The following PCDHA12 variants were observed in gnomAD, a reference collection of about 807,000 sequenced individuals.
The protein encoded by PCDHA12 is protocadherin alpha 12.
Under a neutral mutation model 60.0 loss-of-function variants are expected in PCDHA12, and 44 were observed. The observed-to-expected ratio is 0.73, with a 90% CI of 0.58 to 0.94. The LOEUF (loss-of-function observed/expected upper bound fraction) is 0.94, where lower values mean the gene tolerates loss of function less well. PCDHA12 is among the 40% of genes least tolerant of loss of function. PCDHA12 has a pLI of 0.00. For synonymous variants in PCDHA12, 569 were observed against 553.0 expected, an observed-to-expected ratio of 1.03 and a Z score of -0.40; for missense variants, 1,276 against 1,239.7, an observed-to-expected ratio of 1.03 and a Z score of -0.44.
chr5:140,980,360 G>A (rs1173525969), intron 2 of PCDHA12, among the ~76,000 whole-genome samples: 4 of 152,142 alleles, frequency 2.6e-5, no homozygotes, highest in Middle Eastern at 3.2e-3. Context: ...GACTGGGCGC[G>A]GTGGCTCACA....
At chr5:140,880,693 T>C (rs2058435381) in intron 1 of PCDHA12, among the ~76,000 whole-genome samples, 1 of 152,222 alleles carries the variant, frequency 6.6e-6, no homozygotes. Context: ...TAGTCATGGT[T>C]AAGTGACAAT....
At chr5:140,945,630 A>C (rs1445072054) in intron 1 of PCDHA12, among the ~76,000 whole-genome samples, 1 of 152,166 alleles carries the variant, frequency 6.6e-6, no homozygotes, top group African/African-American at 2.4e-5. Context: ...CTGGCATAAA[A>C]GACATGTAGA....
chr5:140,899,056 G>A (rs1370417194), intron 1 of PCDHA12, among the ~76,000 whole-genome samples: 1 of 152,062 alleles, frequency 6.6e-6, no homozygotes, highest in Non-Finnish European at 1.5e-5. Context: ...CTGAGACTTT[G>A]CTGAAGTTGC....
rs78283049 is a variant in PCDHA12 at position 140,938,200 on chromosome 5, C to G, written c.2368-40749C>G. 2.3e-3 allele frequency among the ~76,000 whole-genome samples: 352 copies of G among 152,306 alleles called. 1 individual carries two copies. The highest frequency in any genetic ancestry group is 8.1e-3 in the African/African-American group (335 of 41,568). On this transcript the variant is annotated intron_variant, in intron 1 of 3. Coordinates refer to ENST00000398631, the MANE Select transcript of PCDHA12 (RefSeq NM_018903.4). ...GGCTCAAGCAATCCTCCCACGCCAG[C>G]CTCCCAAAGTGCTGGGATTACAGGC... is the stretch of plus-strand genomic sequence containing the variant.
intron 1 of PCDHA12, among the ~76,000 whole-genome samples, chr5:140,969,715 A>G (rs1312398688): frequency 6.6e-6 from 1 of 152,082 alleles, no homozygotes; most frequent in Non-Finnish European, 1.5e-5. Context: ...CTACAGGGAA[A>G]TTTTTCTTTT....
rs572945874 is a variant in PCDHA12, at chr5:140,876,602, G to A, written c.1130G>A (p.Arg377His). Residue 377 changes from arginine to histidine, a missense_variant, in exon 1 of 4, where the codon CGT becomes CAT. Coordinates refer to ENST00000398631, the MANE Select transcript of PCDHA12 (RefSeq NM_018903.4). ...ATTGCCCTGATTAGCGTGTCGGATC[G>A]TGACTCTGGAGCCAATGGACAGGTC... ...TVIALISVSDRDSGANGQVIC... is the reference protein window; with the variant it reads ...TVIALISVSDHDSGANGQVIC... 6.2e-7 allele frequency: 1 copy of A among 1,614,180 alleles called. No homozygotes were observed. Among genetic ancestry groups the A allele is most frequent in the Non-Finnish European group, 8.5e-7 (1 of 1,180,032 alleles).
chr5:140,882,917 G>A, intron 1 of PCDHA12: 1 of 1,614,218 alleles, frequency 6.2e-7, no homozygotes, highest in Non-Finnish European at 8.5e-7. Context: ...AGCCAGTGAT[G>A]GAGGTAAACC....
chr5:140,876,577 A>T lies in PCDHA12; in HGVS notation c.1105A>T (p.Ile369Phe). Reference protein sequence around the residue: ...VQEDAQVGTVIALISVSDRDS... With the variant: ...VQEDAQVGTVFALISVSDRDS... ...AGAGGATGCTCAGGTGGGTACCGTC[A>T]TTGCCCTGATTAGCGTGTCGGATCG... The change falls in exon 1 of 4, where the codon ATT (isoleucine) becomes TTT (phenylalanine). Residue 369 changes from isoleucine (I) to phenylalanine (F), a missense_variant. Ile to Phe is a conservative substitution (Grantham distance 21, BLOSUM62 0). Transcript: ENST00000398631. The T allele has an allele frequency of 1.2e-6, 2 of 1,614,182 alleles. No individual in the cohort carries two copies. Among genetic ancestry groups the T allele is most frequent in the Non-Finnish European group, 1.7e-6 (2 of 1,180,042 alleles).
Position 140,875,979 on chromosome 5 carries a change from C to T in PCDHA12, c.507C>T (p.Thr169=). 5 of 1,613,984 alleles carry T rather than the reference C, an allele frequency of 3.1e-6. No individual in the cohort carries two copies. Among genetic ancestry groups the T allele is most frequent in the Non-Finnish European group, 4.2e-6 (5 of 1,179,916 alleles). Residue 169 remains threonine, a synonymous_variant, in exon 1 of 4, where the codon ACC becomes ACT. Coordinates refer to ENST00000398631, the MANE Select transcript of PCDHA12 (RefSeq NM_018903.4). ...DADIGVNSLL[T]YALSLNENFE... is the part of the protein sequence containing the mutation. ...ATATCGGCGTAAACTCTCTTTTGAC[C>T]TATGCGTTAAGTCTAAATGAGAATT...
At chr5:140,914,615 A>G (rs573524299) in intron 1 of PCDHA12, among the ~76,000 whole-genome samples, 12 of 151,836 alleles carry the variant, frequency 7.9e-5, no homozygotes, top group African/African-American at 2.9e-4. Context: ...GCCATTTTGT[A>G]ATTTGTTTTC....
intron 3 of PCDHA12, among the ~76,000 whole-genome samples, chr5:140,987,919 A>G (rs1441531471): frequency 1.3e-5 from 2 of 152,082 alleles, no homozygotes; most frequent in East Asian, 3.9e-4. Context: ...TATATTCTTA[A>G]TTGTCTCAAG....
chr5:140,915,093 G>A (rs1397392191), intron 1 of PCDHA12, among the ~76,000 whole-genome samples: 3 of 151,622 alleles, frequency 2.0e-5, no homozygotes, highest in Non-Finnish European at 2.9e-5. Flanking sequence ...CTATGGGCAC[G>A]CACCACCACA....
chr5:140,876,827 C>A lies in PCDHA12; in HGVS notation c.1355C>A (p.Ala452Glu). Residue 452 changes from alanine to glutamate, a missense_variant, in exon 1 of 4, where the codon GCG (alanine) becomes GAG (glutamate). By Grantham distance (107) the Ala-to-Glu change is moderately radical. Coordinates refer to ENST00000398631, the MANE Select transcript of PCDHA12 (RefSeq NM_018903.4). ...SVEVADVNDN[A>E]PAFAQPEYTV... Reference sequence around the variant, plus strand: ...GAGGTGGCCGACGTGAACGACAATGCGCCTGCGTTCGCGCAGCCCGAGTAC... The same window carrying A: ...GAGGTGGCCGACGTGAACGACAATGAGCCTGCGTTCGCGCAGCCCGAGTAC... The A allele has an allele frequency of 1.9e-6, 3 of 1,614,182 alleles. No individual in the cohort carries two copies. Among genetic ancestry groups the A allele is most frequent in the South Asian group, 1.1e-5 (1 of 91,088 alleles).
chr5:140,913,960 T>A (rs114058923), intron 1 of PCDHA12, among the ~76,000 whole-genome samples: 2,762 of 152,276 alleles, frequency 0.018, 70 homozygotes, highest in African/African-American at 0.054. Context: ...ATATCATTTT[T>A]AAAAAAATAT....
Position 140,892,397 on chromosome 5 carries a change from T to C in PCDHA12, c.2367+14558T>C, listed in dbSNP as rs554853881. On this transcript the variant is annotated intron_variant, in intron 1 of 3. Coordinates refer to ENST00000398631, the MANE Select transcript of PCDHA12 (RefSeq NM_018903.4). ...GCAATCATGGGTAATCTTAATCTAT[T>C]TCAAGCTTCAGGTATTCTAGATAAA... is the stretch of plus-strand genomic sequence containing the variant. Among the ~76,000 whole-genome samples the C allele has an allele frequency of 2.0e-5, 3 of 152,326 alleles. No homozygotes were observed. The South Asian group carries it at 6.2e-4, about 32-fold the overall frequency.
chr5:140,945,620 C>T (rs1451535910), intron 1 of PCDHA12, among the ~76,000 whole-genome samples: 2 of 152,092 alleles, frequency 1.3e-5, no homozygotes, highest in African/African-American at 4.8e-5. Context: ...CAGCATGGTA[C>T]TGGCATAAAA....
chr5:140,928,480 G>A, intron 1 of PCDHA12: 2 of 1,614,146 alleles, frequency 1.2e-6, no homozygotes, highest in Non-Finnish European at 1.7e-6. Flanking sequence ...AGGCCGGGAT[G>A]GTGGCATTCC....
chr5:140,928,351 G>A lies in PCDHA12; in HGVS notation c.2367+50512G>A, dbSNP rs201396871. ...CCTTGTCTCTTATGAGCTGTTGGAT[G>A]TTATCTCTGAAGGGCCATCAGCCTC... On this transcript the variant is annotated intron_variant, in intron 1 of 3. Coordinates refer to ENST00000398631, the MANE Select transcript of PCDHA12 (RefSeq NM_018903.4). The A allele has an allele frequency of 1.2e-5, 20 of 1,614,150 alleles. No individual in the cohort carries two copies. In the East Asian group the frequency reaches 4.5e-4, roughly 36 times the overall value.
At chr5:140,899,204 C>T (rs1286752140) in intron 1 of PCDHA12, among the ~76,000 whole-genome samples, 2 of 151,972 alleles carry the variant, frequency 1.3e-5, no homozygotes, top group African/African-American at 4.8e-5. Context: ...CCTAATTGCC[C>T]TGGCCAGAAC....
Sources: allele counts gnomAD v4.1 joint callset (sites outside exome capture counted in the v4.1 genomes callset), GRCh38; gene constraint gnomAD v4.1.1; transcripts MANE v1.5; gene names NCBI Gene and HGNC (gene_info 2026-07-23, HGNC 2026-07-21).